GATB: variants seen among roughly 807,000 people sequenced by gnomAD.
GATB encodes the protein glutamyl-tRNA amidotransferase subunit B.
A neutral mutation model predicts 62.3 loss-of-function variants in GATB; 39 were observed. The observed-to-expected ratio is 0.63, with a 90% CI of 0.48 to 0.82. GATB has a LOEUF of 0.82. Ranked by LOEUF, GATB falls within the 40% of genes least tolerant of loss-of-function variation. GATB has a pLI of 0.00. For synonymous variants in GATB, 276 were observed against 258.9 expected, an observed-to-expected ratio of 1.07 and a Z score of -0.63; for missense variants, 670 against 684.0, an observed-to-expected ratio of 0.98 and a Z score of 0.23.
Position 151,671,043 on chromosome 4 carries a change from A to C in GATB, c.*131T>G. 1 of 1,071,162 alleles carries C rather than the reference A, an allele frequency of 9.3e-7. No homozygotes were observed. The highest frequency in any genetic ancestry group is 1.4e-6 in the Non-Finnish European group (1 of 721,440). 66.4% of individuals were successfully genotyped at this position (1,071,162 alleles called of 1,614,324 possible). A position where few individuals can be genotyped will look rare whatever the true frequency, so the allele number is the denominator to read the frequency against. On this transcript the variant is annotated 3_prime_UTR_variant, in exon 13 of 13. Transcript: ENST00000263985. ...TGAGAACACTGGTGACATTAATGCCATAGCTGTGGCTTGGGACAGGGATTG... is the reference window on the plus strand; with the variant it reads ...TGAGAACACTGGTGACATTAATGCCCTAGCTGTGGCTTGGGACAGGGATTG...
intron 2 of GATB, among the ~76,000 whole-genome samples, chr4:151,755,835 G>C (rs1340267715): frequency 2.0e-5 from 3 of 152,172 alleles, no homozygotes; most frequent in Non-Finnish European, 2.9e-5. Flanking sequence ...AGGAGGCAGT[G>C]AAACTTTGGG....
intron 2 of GATB, among the ~76,000 whole-genome samples, chr4:151,728,657 C>A (rs1001576016): frequency 6.6e-6 from 1 of 152,164 alleles, no homozygotes; most frequent in Non-Finnish European, 1.5e-5. Flanking sequence ...CTGGAGAGAT[C>A]TGATGCAATG....
chr4:151,732,104 G>C (rs1212768049), intron 2 of GATB, among the ~76,000 whole-genome samples: 7 of 147,078 alleles, frequency 4.8e-5, no homozygotes, highest in Non-Finnish European at 9.0e-5. Context: ...GAGGGAGGTG[G>C]GGGGAGCCTC....
At chr4:151,739,839 A>G (rs183207676) in intron 2 of GATB, among the ~76,000 whole-genome samples, 6 of 152,328 alleles carry the variant, frequency 3.9e-5, no homozygotes, top group African/African-American at 1.2e-4. Context: ...CCCATGGCTG[A>G]GCATTCCTAT....
rs199617607 is a variant in GATB at position 151,758,877 on chromosome 4, C to G, written c.222G>C (p.Gln74His). The change falls in exon 2 of 13, where the codon CAG (glutamine) becomes CAC (histidine). Residue 74 changes from glutamine (Q) to histidine (H), a missense_variant. Coordinates refer to ENST00000263985, the MANE Select transcript of GATB (RefSeq NM_004564.3). ...AGAAGAGTTTAGAGTTGGAGGAAAT[C>G]TGGGCATGAATTTCCAAACCTACCA... The part of the protein sequence containing the change: ...AAVVGLEIHA[Q>H]ISSNSKLFSG... 1.3e-4 allele frequency: 214 copies of G among 1,610,792 alleles called. No homozygotes were observed. The highest frequency in any genetic ancestry group is 1.7e-4 in the Non-Finnish European group (203 of 1,178,132).
At position 151,753,969 on chromosome 4, in the gene GATB, C is replaced by T. The variant is rs549212401; in HGVS notation, c.327+4803G>A. ...CCACCTACCTTCTGTTTCCATCACC[C>T]CACTCAAACTGTTCTTGCAAAGGAT... On this transcript the variant is annotated intron_variant, in intron 2 of 12. Transcript: ENST00000263985. Among the ~76,000 whole-genome samples the T allele has an allele frequency of 4.6e-5, 7 of 152,314 alleles. No homozygotes were observed. In the South Asian group the frequency reaches 1.5e-3, roughly 32 times the overall value.
Position 151,716,923 on chromosome 4 carries a change from A to T in GATB, c.593T>A (p.Leu198His). 1.9e-6 allele frequency: 3 copies of T among 1,614,224 alleles called. No homozygotes were observed. The highest frequency in any genetic ancestry group is 2.5e-6 in the Non-Finnish European group (3 of 1,180,044). Residue 198 changes from leucine (L) to histidine (H), a missense_variant, in exon 4 of 13, where the codon CTC becomes CAC. Physicochemically the swap from Leu to His is moderately conservative, Grantham distance 99. Coordinates refer to ENST00000263985, the MANE Select transcript of GATB (RefSeq NM_004564.3). Reference protein sequence around the residue: ...IQLEQDSGKSLHDNLRSQTLI... With the variant: ...IQLEQDSGKSHHDNLRSQTLI... ...CGTCTGAGACCTCAGGTTGTCGTGG[A>T]GGCTTTTGCCACTGTCTTGCTCCAA...
At chr4:151,688,516 G>T in intron 10 of GATB, 114 bp downstream of exon 10, 1 of 981,948 alleles carries the variant, frequency 1.0e-6, no homozygotes, top group Non-Finnish European at 1.5e-6. Flanking sequence ...TTTGTGTCAT[G>T]TCAGGATATC....
intron 12 of GATB, chr4:151,672,464 T>TGGG (rs1737895311): frequency 8.7e-6 from 3 of 345,986 alleles, no homozygotes; most frequent in Non-Finnish European, 1.6e-5. Flanking sequence ...GCGACACACC[T>TGGG]GGGAGGTCAC....
At chr4:151,722,887 T>G (rs1278037188) in intron 2 of GATB, 1 of 152,166 alleles carries the variant, frequency 6.6e-6, no homozygotes, top group Non-Finnish European at 1.5e-5. Context: ...GATGCCCCAG[T>G]CTCCTCTAAG....
intron 4 of GATB, 144 bp from the exon 5 acceptor site, chr4:151,716,275 A>G: frequency 5.8e-6 from 2 of 344,998 alleles, no homozygotes; most frequent in Non-Finnish European, 4.4e-6. Context: ...CTTCCCTCCC[A>G]CCTTTTTTTT....
At chr4:151,740,886 C>A (rs1739471328) in intron 2 of GATB, among the ~76,000 whole-genome samples, 1 of 151,854 alleles carries the variant, frequency 6.6e-6, no homozygotes, top group Admixed American at 6.6e-5. Flanking sequence ...ATGGCAGAGA[C>A]AAAAATAGTG....
intron 2 of GATB, among the ~76,000 whole-genome samples, chr4:151,732,135 C>CGGG: frequency 1.4e-5 from 2 of 138,156 alleles, no homozygotes; most frequent in African/African-American, 2.7e-5. Flanking sequence ...CCGCCCCGTC[C>CGGG]AGGAGGTGGG....
intron 2 of GATB, among the ~76,000 whole-genome samples, chr4:151,741,350 C>G (rs1357951378): frequency 6.6e-6 from 1 of 152,122 alleles, no homozygotes; most frequent in Non-Finnish European, 1.5e-5. Context: ...TTTTTGGTTG[C>G]AGTAGTGTAC....
At chr4:151,714,456 C>T (rs765224130) in intron 5 of GATB, among the ~76,000 whole-genome samples, 4 of 152,224 alleles carry the variant, frequency 2.6e-5, no homozygotes, top group Non-Finnish European at 5.9e-5. Context: ...TCAGCTCCCA[C>T]GGAACTTTAG....
rs1491213513 is a variant in GATB at position 151,735,734 on chromosome 4, G to GTATATATATATATATATATATATATATA, written c.328-16197_328-16196insTATATATATATATATATATATATATATA. ...TCAACAAGTGGATAAATAAACTGTG[G>GTATATATATATATATATATATATATATA]TGTATATATATATATATATATATGA... On this transcript the variant is annotated intron_variant, in intron 2 of 12. Transcript: ENST00000263985. 4.2e-3 allele frequency among the ~76,000 whole-genome samples: 394 copies of GTATATATATATATATATATATATATATA among 93,410 alleles called. 61 individuals are homozygous for GTATATATATATATATATATATATATATA. The highest frequency in any genetic ancestry group is 6.0e-3 in the South Asian group (13 of 2,176). The allele number at this position is 93,410 out of a possible 152,430, so 61.3% of individuals were successfully genotyped here.
chr4:151,727,579 C>G (rs548008228), intron 2 of GATB, among the ~76,000 whole-genome samples: 2 of 152,332 alleles, frequency 1.3e-5, no homozygotes, highest in South Asian at 4.1e-4. Flanking sequence ...TCTGGCATTA[C>G]TCACTGGTGA....
At position 151,708,591 on chromosome 4, in the gene GATB, T is replaced by A. The variant is rs138984971; in HGVS notation, c.764-490A>T. On this transcript the variant is annotated intron_variant, in intron 5 of 12. Transcript: ENST00000263985. ...TGATTCCAGGAGATTTAGAGGAGAGTCCTTGAGAATTTGCAGCTCAAGGGC... is the reference window on the plus strand; with the variant it reads ...TGATTCCAGGAGATTTAGAGGAGAGACCTTGAGAATTTGCAGCTCAAGGGC... Among the ~76,000 whole-genome samples the A allele has an allele frequency of 2.9e-3, 443 of 152,214 alleles. 1 individual carries two copies. The highest frequency in any genetic ancestry group is 4.6e-3 in the Non-Finnish European group (310 of 68,006).
At chr4:151,705,452 G>T (rs761725441) in intron 6 of GATB, among the ~76,000 whole-genome samples, 183 bp from the exon 7 acceptor site, 9 of 152,040 alleles carry the variant, frequency 5.9e-5, no homozygotes, top group Non-Finnish European at 1.2e-4. Flanking sequence ...GAATATTGGT[G>T]TTGGAAAGGG....
Sources: allele counts gnomAD v4.1 joint callset (sites outside exome capture counted in the v4.1 genomes callset), GRCh38; gene constraint gnomAD v4.1.1; transcripts MANE v1.5; gene names NCBI Gene and HGNC (gene_info 2026-07-23, HGNC 2026-07-21).